Variants in TMCC1 observed in about 807,000 individuals in gnomAD.
The protein encoded by TMCC1 is transmembrane and coiled-coil domain family 1.
In TMCC1, 15 loss-of-function variants were observed where a neutral mutation model predicts 52.4. That is an observed-to-expected ratio of 0.29 (90% CI 0.19 to 0.44). The LOEUF (loss-of-function observed/expected upper bound fraction) is 0.44. Ranked by LOEUF, TMCC1 falls within the 20% of genes least tolerant of loss-of-function variation. The pLI, the probability that TMCC1 is intolerant of heterozygous loss-of-function variation, is 1.00. For synonymous variants in TMCC1, 279 were observed against 301.9 expected (o/e 0.92, Z 0.79); for missense variants, 503 against 806.0 (o/e 0.62, Z 4.55).
At chr3:129,661,492 T>C (rs992614276) in intron 5 of TMCC1, among the ~76,000 whole-genome samples, 20 of 152,098 alleles carry the variant, frequency 1.3e-4, no homozygotes, top group African/African-American at 4.8e-4. Context: ...CCCTAGTTAG[T>C]AGTGAGGTTT....
intron 2 of TMCC1, among the ~76,000 whole-genome samples, chr3:129,858,561 A>G (rs2060246567): frequency 6.6e-6 from 1 of 152,034 alleles, no homozygotes; most frequent in African/African-American, 2.4e-5. Context: ...TGGTAGAGAC[A>G]GGGTTTTGTC....
intron 1 of TMCC1, among the ~76,000 whole-genome samples, chr3:129,886,630 A>G (rs1466431177): frequency 6.6e-6 from 1 of 152,192 alleles, no homozygotes; most frequent in Non-Finnish European, 1.5e-5. Flanking sequence ...AACACTGTTA[A>G]GTGAAAGAAG....
intron 4 of TMCC1, among the ~76,000 whole-genome samples, chr3:129,723,568 G>A (rs536111417): frequency 4.0e-5 from 6 of 148,364 alleles, no homozygotes; most frequent in Admixed American, 2.0e-4. Context: ...TAACTATTTC[G>A]CTTGAGAAAG....
chr3:129,823,751 C>T (rs2058532869), intron 4 of TMCC1, among the ~76,000 whole-genome samples: 1 of 152,178 alleles, frequency 6.6e-6, no homozygotes, highest in South Asian at 2.1e-4. Context: ...CTTATATTAG[C>T]GTTCTGGATA....
At chr3:129,893,325 G>C (rs77288785) in intron 1 of TMCC1, 169 bp downstream of exon 1, 1,802 of 152,530 alleles carry the variant, frequency 0.012, 21 homozygotes, top group Non-Finnish European at 0.015. Flanking sequence ...CTTCAACCTC[G>C]AACGGGGGCG....
At chr3:129,886,220 C>G (rs554485325) in intron 1 of TMCC1, among the ~76,000 whole-genome samples, 1 of 152,122 alleles carries the variant, frequency 6.6e-6, no homozygotes, top group Non-Finnish European at 1.5e-5. Flanking sequence ...CCTACTGTTA[C>G]CCTATCTGGA....
chr3:129,789,695 T>C (rs1396421927), intron 4 of TMCC1, among the ~76,000 whole-genome samples: 1 of 152,162 alleles, frequency 6.6e-6, no homozygotes, highest in Non-Finnish European at 1.5e-5. Flanking sequence ...TTAGCCAGGA[T>C]GGTCTCGATC....
intron 2 of TMCC1, among the ~76,000 whole-genome samples, chr3:129,855,064 T>C (rs1156505457): frequency 6.6e-6 from 1 of 152,204 alleles, no homozygotes; most frequent in East Asian, 1.9e-4. Context: ...CATTCACCAC[T>C]AGGTCAAACT....
intron 4 of TMCC1, among the ~76,000 whole-genome samples, chr3:129,784,674 A>G (rs1376846512): frequency 6.6e-6 from 1 of 151,902 alleles, no homozygotes; most frequent in East Asian, 1.9e-4. Flanking sequence ...TTTCATAATA[A>G]AAAAGGACAG....
chr3:129,792,556 G>A (rs1308523229), intron 4 of TMCC1, among the ~76,000 whole-genome samples: 1 of 152,006 alleles, frequency 6.6e-6, no homozygotes, highest in Non-Finnish European at 1.5e-5. Flanking sequence ...TCACTATGTT[G>A]GCCACGCTGA....
At chr3:129,855,609 T>C (rs1393902889) in intron 2 of TMCC1, among the ~76,000 whole-genome samples, 1 of 152,132 alleles carries the variant, frequency 6.6e-6, no homozygotes, top group African/African-American at 2.4e-5. Flanking sequence ...TCTGGCAAGG[T>C]CAACTCTCAG....
chr3:129,690,245 A>C (rs1413396312), intron 4 of TMCC1, among the ~76,000 whole-genome samples: 1 of 152,176 alleles, frequency 6.6e-6, no homozygotes, highest in African/African-American at 2.4e-5. Flanking sequence ...TCTCTCAAAA[A>C]TCACTTATTG....
intron 5 of TMCC1, among the ~76,000 whole-genome samples, chr3:129,666,871 C>A (rs114445156): frequency 6.6e-6 from 1 of 151,964 alleles, no homozygotes; most frequent in South Asian, 2.1e-4. Flanking sequence ...TCAAGACCAG[C>A]AAGGCAACAT....
In TMCC1 at chr3:129,828,106, C is replaced by T. The variant is rs1267213959; in HGVS notation, c.273G>A (p.Glu91=). 6 of 1,614,182 alleles carry T rather than the reference C, an allele frequency of 3.7e-6. No homozygotes were observed. Among genetic ancestry groups the T allele is most frequent in the Non-Finnish European group, 5.1e-6 (6 of 1,180,034 alleles). Residue 91 remains glutamate (E), a synonymous_variant, in exon 4 of 7, where the codon GAG becomes GAA. Coordinates refer to ENST00000393238, the MANE Select transcript of TMCC1 (RefSeq NM_001017395.5). The surrounding 1 kb of genome is among the most constrained non-coding windows in gnomAD (Gnocchi z 4.1). ...MDLESQNACA[E]IDGVPTHPTA... Reference sequence around the variant, plus strand: ...TGGGGTGGGTGGGGACACCATCAATCTCAGCACATGCGTTCTGGCTTTCCA... The same window carrying T: ...TGGGGTGGGTGGGGACACCATCAATTTCAGCACATGCGTTCTGGCTTTCCA...
At chr3:129,752,674 A>ACC (rs1231370729) in intron 4 of TMCC1, among the ~76,000 whole-genome samples, 1 of 152,104 alleles carries the variant, frequency 6.6e-6, no homozygotes, top group Non-Finnish European at 1.5e-5. Context: ...ACACACACAC[A>ACC]CACACACAAA....
chr3:129,726,868 C>CAAAAAAAAAA (rs550398948), intron 4 of TMCC1, among the ~76,000 whole-genome samples: 230 of 12,826 alleles, frequency 0.018, 63 homozygotes, highest in African/African-American at 0.041. Flanking sequence ...GACTCTGTCT[C>CAAAAAAAAAA]AAAAAAAAAA....
chr3:129,842,983 T>TA (rs943646393), intron 2 of TMCC1, among the ~76,000 whole-genome samples: 1 of 152,070 alleles, frequency 6.6e-6, no homozygotes, highest in Admixed American at 6.6e-5. Context: ...TTATATCTTA[T>TA]AAAAGAAGAC....
chr3:129,650,635 A>C lies in TMCC1; in HGVS notation c.*846T>G, dbSNP rs764722724. The C allele has an allele frequency of 1.3e-5, 2 of 152,596 alleles. No homozygotes were observed. Among genetic ancestry groups the C allele is most frequent in the Non-Finnish European group, 2.9e-5 (2 of 68,046 alleles). The allele number at this position is 152,596 out of a possible 1,614,324, so 9.5% of individuals were successfully genotyped here. ...CTGTCCAAAAAAACCCAATAATAAT[A>C]ATAACAATAATAAAAAATCCTATTA... On this transcript the variant is annotated 3_prime_UTR_variant, in exon 7 of 7. Transcript: ENST00000393238.
chr3:129,780,729 T>C (rs940436431), intron 4 of TMCC1, among the ~76,000 whole-genome samples: 1 of 152,088 alleles, frequency 6.6e-6, no homozygotes, highest in Non-Finnish European at 1.5e-5. Flanking sequence ...TTATTTTCAT[T>C]AAATTCTATT....
Sources: allele counts gnomAD v4.1 joint callset (sites outside exome capture counted in the v4.1 genomes callset), GRCh38; gene constraint gnomAD v4.1.1; non-coding constraint Gnocchi (gnomAD v3.1); transcripts MANE v1.5; gene names NCBI Gene and HGNC (gene_info 2026-07-23, HGNC 2026-07-21).